ANO4: variants seen among roughly 807,000 people sequenced by gnomAD.
ANO4 encodes anoctamin 4, also known as anoctamin-4.
A neutral mutation model predicts 141.9 loss-of-function variants in ANO4; 69 were observed. The ratio of observed to expected loss-of-function variants is 0.49; its 90% CI spans 0.40 to 0.59. The LOEUF is 0.59. Ranked by LOEUF, ANO4 falls within the 20% of genes least tolerant of loss-of-function variation. The pLI, the probability that ANO4 is intolerant of heterozygous loss-of-function variation, is 0.00. For synonymous variants in ANO4, 350 were observed against 394.3 expected (o/e 0.89, Z 1.33); for missense variants, 894 against 1,162.2 (o/e 0.77, Z 3.36).
intron 1 of ANO4, among the ~76,000 whole-genome samples, chr12:100,845,120 C>T (rs2037490069): frequency 6.6e-6 from 1 of 152,092 alleles, no homozygotes; most frequent in Non-Finnish European, 1.5e-5. Context: ...AGATGGAAGT[C>T]ATTGTGCTGT....
chr12:101,031,362 A>G, intron 9 of ANO4, among the ~76,000 whole-genome samples: 1 of 152,222 alleles, frequency 6.6e-6, no homozygotes, highest in East Asian at 1.9e-4. Flanking sequence ...AGATGCAGAA[A>G]AGGCCTTCAA....
intron 11 of ANO4, among the ~76,000 whole-genome samples, chr12:101,040,768 C>A (rs1262596470): frequency 6.6e-6 from 1 of 151,984 alleles, no homozygotes; most frequent in Non-Finnish European, 1.5e-5. Context: ...CCCCACCCCC[C>A]ATAGGCCCTG....
chr12:100,958,312 T>A (rs1488236036), intron 5 of ANO4, among the ~76,000 whole-genome samples: 1 of 152,196 alleles, frequency 6.6e-6, no homozygotes, highest in Non-Finnish European at 1.5e-5. Flanking sequence ...AAAAATCAAG[T>A]AACTTTCTTC....
rs114659110 is a variant in ANO4 at position 100,992,565 on chromosome 12, T to C, written c.734+4895T>C. Among the ~76,000 whole-genome samples, 175 of 152,328 alleles carry C rather than the reference T, an allele frequency of 1.1e-3. 1 individual carries two copies. Among genetic ancestry groups the C allele is most frequent in the African/African-American group, 4.0e-3 (165 of 41,578 alleles). The stretch of plus-strand genomic sequence containing the variant: ...CCTTCCCCACTAATCCTTCCAAAGA[T>C]TGGGTCTCTGTTCTATACTGTTGTA... On this transcript the variant is annotated intron_variant, in intron 8 of 27. Coordinates refer to ENST00000392977, the MANE Select transcript of ANO4 (RefSeq NM_001286615.2).
At chr12:100,755,601 A>G (rs2032571124) in intron 3 of ANO4, among the ~76,000 whole-genome samples, 1 of 152,228 alleles carries the variant, frequency 6.6e-6, no homozygotes. Flanking sequence ...CTAATCCTTA[A>G]TTTAAAATGC....
intron 8 of ANO4, among the ~76,000 whole-genome samples, chr12:100,993,578 C>G (rs1221599188): frequency 6.6e-6 from 1 of 151,982 alleles, no homozygotes; most frequent in Non-Finnish European, 1.5e-5. Flanking sequence ...TAGTGTGGGT[C>G]ACTCTGGGGG....
At chr12:100,968,712 A>G (rs1417712062) in intron 5 of ANO4, among the ~76,000 whole-genome samples, 2 of 152,202 alleles carry the variant, frequency 1.3e-5, no homozygotes, top group Admixed American at 1.3e-4. Context: ...AAACTGTACT[A>G]TGTATTGAAA....
chr12:100,840,316 A>G (rs1335559515), intron 1 of ANO4, among the ~76,000 whole-genome samples: 2 of 152,104 alleles, frequency 1.3e-5, no homozygotes, highest in East Asian at 3.9e-4. Context: ...GAAAGTTCTT[A>G]ATTACAAATT....
chr12:100,961,484 C>T (rs575792488), intron 5 of ANO4, among the ~76,000 whole-genome samples: 2 of 152,274 alleles, frequency 1.3e-5, no homozygotes, highest in South Asian at 4.1e-4. Flanking sequence ...ACCACTAAAT[C>T]ACTGCAACGA....
In ANO4 at chr12:100,740,063, TA is replaced by T; in HGVS notation, c.317del (p.Tyr106SerfsTer9). On this transcript the variant is annotated frameshift_variant, in exon 3 of 30. Transcript: ENST00000644049. LOFTEE classifies it high-confidence loss of function. ...ACTGTCTATCACTCCAGTGCCTTCT[TA>T]CAGCAGTAGCAGCCAGGAAACCCTG... The T allele has an allele frequency of 1.4e-6, 1 of 702,574 alleles. No individual in the cohort carries two copies. Among genetic ancestry groups the T allele is most frequent in the Non-Finnish European group, 2.6e-6 (1 of 384,714 alleles). The allele number at this position is 702,574 out of a possible 1,614,324, so 43.5% of individuals were successfully genotyped here. A position where few individuals can be genotyped will look rare whatever the true frequency, so the allele number is the denominator to read the frequency against.
chr12:100,990,351 C>T (rs777509746), intron 8 of ANO4, among the ~76,000 whole-genome samples: 5 of 152,116 alleles, frequency 3.3e-5, no homozygotes, highest in African/African-American at 1.2e-4. Flanking sequence ...CAATACTTCT[C>T]AGCGTGATTC....
intron 5 of ANO4, among the ~76,000 whole-genome samples, chr12:100,944,621 C>T (rs1045538230): frequency 2.6e-5 from 4 of 152,094 alleles, no homozygotes; most frequent in African/African-American, 4.8e-5. Context: ...CAAGTGACCT[C>T]TCCCGCTGCC....
At chr12:100,802,423 A>G (rs76151177) in intron 1 of ANO4, among the ~76,000 whole-genome samples, 1 of 152,252 alleles carries the variant, frequency 6.6e-6, no homozygotes, top group Non-Finnish European at 1.5e-5. Flanking sequence ...ACATATTCTT[A>G]GGGAATGGTA....
intron 14 of ANO4, among the ~76,000 whole-genome samples, chr12:101,065,354 A>T (rs116610823): frequency 6.6e-6 from 1 of 152,112 alleles, no homozygotes; most frequent in Non-Finnish European, 1.5e-5. Context: ...GTTGTTAATT[A>T]TAGTGTTATC....
chr12:101,055,970 G>A (rs2048099478), intron 14 of ANO4, among the ~76,000 whole-genome samples: 1 of 152,136 alleles, frequency 6.6e-6, no homozygotes, highest in South Asian at 2.1e-4. Flanking sequence ...AAATCAATGG[G>A]CCATATATGT....
intron 14 of ANO4, among the ~76,000 whole-genome samples, chr12:101,075,714 C>CAT: frequency 3.1e-5 from 1 of 32,368 alleles, no homozygotes; most frequent in Admixed American, 3.7e-4. Context: ...TTATATAAAA[C>CAT]AAATATATAT....
At chr12:100,765,685 G>A (rs6419382) in intron 3 of ANO4, among the ~76,000 whole-genome samples, 78,580 of 141,136 alleles carry the variant, frequency 0.56, 21,377 homozygotes, top group African/African-American at 0.64. Flanking sequence ...CTTTGTTTAT[G>A]TTTTCAAAAA....
rs117069503 is a variant in ANO4 at position 100,929,950 on chromosome 12, A to G, written c.160+7620A>G. ...GATCAGTGGTGTTGAGCACCTTTTC[A>G]TGTGCCTGTTTGCCATTTCTGTGTC... On this transcript the variant is annotated intron_variant, in intron 3 of 27. Transcript: ENST00000392977. Among the ~76,000 whole-genome samples the G allele has an allele frequency of 6.0e-3, 918 of 152,180 alleles. 5 individuals carry two copies. The highest frequency in any genetic ancestry group is 0.01 in the Non-Finnish European group (694 of 67,988).
intron 5 of ANO4, among the ~76,000 whole-genome samples, chr12:100,970,224 C>A (rs2043855848): frequency 6.6e-6 from 1 of 152,170 alleles, no homozygotes; most frequent in Admixed American, 6.5e-5. Context: ...CCTTCTTCTC[C>A]CTCATCATTT....
Sources: allele counts gnomAD v4.1 joint callset (sites outside exome capture counted in the v4.1 genomes callset), GRCh38; gene constraint gnomAD v4.1.1; transcripts MANE v1.5; gene names NCBI Gene and HGNC (gene_info 2026-07-23, HGNC 2026-07-21).